Variants in IRAG2 observed in about 807,000 individuals in gnomAD.
The protein encoded by IRAG2 is lymphoid restricted membrane protein.
IRAG2 carries 45 observed loss-of-function variants against 69.9 expected under a neutral mutation model. The ratio of observed to expected loss-of-function variants is 0.64; its 90% confidence interval spans 0.51 to 0.83. The LOEUF is 0.83. Ranked by LOEUF, IRAG2 falls within the 40% of genes least tolerant of loss-of-function variation. The pLI, the probability that IRAG2 is intolerant of heterozygous loss-of-function variation, is 0.00. For synonymous variants in IRAG2, 193 were observed against 202.4 expected (o/e 0.95, Z 0.40); for missense variants, 520 against 587.0 (o/e 0.89, Z 1.18).
intron 7 of IRAG2, chr12:25,023,846 A>T: frequency 8.6e-7 from 1 of 1,162,686 alleles, no homozygotes; most frequent in Non-Finnish European, 1.1e-6. Flanking sequence ...AATATATTTT[A>T]ATTATTTTTC....
intron 2 of IRAG2, chr12:25,006,336 TA>T (rs1313044143): frequency 6.6e-6 from 1 of 152,148 alleles, no homozygotes; most frequent in Non-Finnish European, 1.5e-5. Flanking sequence ...TCAAAGAATT[TA>T]GAGCTACCAT....
chr12:25,088,697 C>T (rs1186899912), intron 11 of IRAG2, among the ~76,000 whole-genome samples: 2 of 152,154 alleles, frequency 1.3e-5, no homozygotes, highest in East Asian at 3.9e-4. Flanking sequence ...ATATTCTATG[C>T]TGAGAACTAG....
At chr12:25,079,176 T>TAA (rs1947027460) in intron 6 of IRAG2, 68 bp from the exon 7 acceptor site, 2 of 1,526,992 alleles carry the variant, frequency 1.3e-6, no homozygotes, top group African/African-American at 1.4e-5. Context: ...AATGTTTGCT[T>TAA]AAAACAACCT....
intron 10 of IRAG2, among the ~76,000 whole-genome samples, chr12:25,031,317 A>AGAAT: frequency 6.6e-6 from 1 of 152,182 alleles, no homozygotes; most frequent in Non-Finnish European, 1.5e-5. Flanking sequence ...ACTCCTGCTC[A>AGAAT]GGGTTCATCA....
At position 25,041,618 on chromosome 12, in the gene IRAG2, C is replaced by T. The variant is rs138592262; in HGVS notation, c.2144+3481C>T. Among the ~76,000 whole-genome samples, 4 of 151,454 alleles carry T rather than the reference C, an allele frequency of 2.6e-5. No homozygotes were observed. The East Asian group carries it at 7.8e-4, about 30-fold the overall frequency. On this transcript the variant is annotated intron_variant, in intron 16 of 38. Coordinates refer to the IRAG2 transcript ENST00000636465. Reference sequence around the variant, plus strand: ...CCGAGTTCAAGTGATTCTCTTGCCTCAGACTCCCAAGTAGCTGTATGCCGC... The same window carrying T: ...CCGAGTTCAAGTGATTCTCTTGCCTTAGACTCCCAAGTAGCTGTATGCCGC...
In IRAG2 at chr12:25,103,839, A is replaced by G. The variant is rs957301548; in HGVS notation, c.936A>G (p.Pro312=). 1 of 1,610,348 alleles carries G rather than the reference A, an allele frequency of 6.2e-7. No homozygotes were observed. The highest frequency in any genetic ancestry group is 8.5e-7 in the Non-Finnish European group (1 of 1,177,044). ...GTACATTTTCCTCCTTCTGGTAGCC[A>G]TCTTCTCTACGAAGAGTGACTATTG... The part of the protein sequence containing the change: ...KKRSASLNSK[P]SSLRRVTIAS... The change falls in exon 18 of 22, where the codon CCA becomes CCG. Residue 312 remains proline, a splice_region_variant and synonymous_variant. Coordinates refer to ENST00000556887, the MANE Select transcript of IRAG2 (RefSeq NM_001366544.2).
chr12:25,099,306 T>C (rs554491528), intron 15 of IRAG2, among the ~76,000 whole-genome samples: 1 of 152,272 alleles, frequency 6.6e-6, no homozygotes, highest in Admixed American at 6.5e-5. Flanking sequence ...AGCTCCTTAC[T>C]TCACTCAAGG....
chr12:25,032,092 T>A (rs977507552), intron 10 of IRAG2: 25 of 398,416 alleles, frequency 6.3e-5, no homozygotes, highest in African/African-American at 4.3e-4. Flanking sequence ...TATATATGAT[T>A]TGGTGGACCC....
chr12:25,078,215 C>G (rs774194548), intron 6 of IRAG2, among the ~76,000 whole-genome samples: 7 of 152,200 alleles, frequency 4.6e-5, no homozygotes, highest in African/African-American at 1.7e-4. Context: ...TTAAAGGGCT[C>G]TTGTAAATTT....
Position 25,103,803 on chromosome 12 carries a change from G to A in IRAG2, c.934-34G>A, listed in dbSNP as rs746442358. 1.0e-4 allele frequency: 149 copies of A among 1,487,016 alleles called. No individual in the cohort carries two copies. The South Asian group carries it at 1.4e-3, about 14-fold the overall frequency. The allele number at this position is 1,487,016 out of a possible 1,614,324, so 92.1% of individuals were successfully genotyped here. On this transcript the variant is annotated intron_variant, in intron 17 of 21. Transcript: ENST00000556887. ...TGCATATAATGATAAATTATTGAGA[G>A]TTTTCTAAATGTACATTTTCCTCCT...
chr12:25,057,241 C>T (rs860874), intron 1 of IRAG2, among the ~76,000 whole-genome samples: 140,768 of 146,318 alleles, frequency 0.96, 67,947 homozygotes, highest in East Asian at 1. Context: ...GGTAGGTAGA[C>T]AGGTAGACAG....
chr12:25,001,968 A>G (rs1312302913), upstream of IRAG2, among the ~76,000 whole-genome samples: 1 of 151,944 alleles, frequency 6.6e-6, no homozygotes, highest in East Asian at 1.9e-4. Context: ...ACGGGGTTTC[A>G]TCATGTTGGT....
chr12:25,033,162 G>A (rs1209423308), intron 12 of IRAG2, among the ~76,000 whole-genome samples: 2 of 151,978 alleles, frequency 1.3e-5, no homozygotes, highest in African/African-American at 4.8e-5. Context: ...TCACCATGTT[G>A]GCCAGGCTGG....
intron 4 of IRAG2, 145 bp from the exon 5 acceptor site, chr12:25,066,220 G>T: frequency 2.6e-6 from 1 of 380,618 alleles, no homozygotes; most frequent in East Asian, 3.8e-5. Flanking sequence ...CTGTGATTAG[G>T]CATCAAGGGA....
intron 10 of IRAG2, among the ~76,000 whole-genome samples, chr12:25,087,180 T>TTTTTTTTTTG (rs1450270058): frequency 8.0e-6 from 1 of 125,166 alleles, no homozygotes; most frequent in African/African-American, 3.1e-5. Flanking sequence ...TTTTTTTTTT[T>TTTTTTTTTTG]TTGTTGAGAC....
intron 10 of IRAG2, among the ~76,000 whole-genome samples, chr12:25,031,858 C>G (rs1458523869): frequency 2.0e-5 from 3 of 152,136 alleles, no homozygotes; most frequent in Non-Finnish European, 4.4e-5. Flanking sequence ...GACAGGGTTT[C>G]CCCATGTTGG....
chr12:25,096,993 G>C lies in IRAG2; in HGVS notation c.690G>C (p.Gln230His), dbSNP rs1449868368. Residue 230 changes from glutamine (Q) to histidine (H), a missense_variant, in exon 15 of 22, where the codon CAG becomes CAC. By Grantham distance (24) the Gln-to-His change is conservative. Coordinates refer to ENST00000556887, the MANE Select transcript of IRAG2 (RefSeq NM_001366544.2). The part of the protein sequence containing the change: ...KLEKSIKFLS[Q>H]CAARVASRAE... Reference sequence around the variant, plus strand: ...AGAAGAGTATAAAGTTTCTTAGCCAGTGTGCAGCACGAGTGGCCAGTAGGG... The same window carrying C: ...AGAAGAGTATAAAGTTTCTTAGCCACTGTGCAGCACGAGTGGCCAGTAGGG... The C allele has an allele frequency of 1.2e-6, 2 of 1,613,790 alleles. No homozygotes were observed. The highest frequency in any genetic ancestry group is 1.7e-6 in the Non-Finnish European group (2 of 1,179,800).
rs1949311262 is a variant in IRAG2, at chr12:25,107,834, C to T, written c.1274C>T (p.Ser425Phe). The change falls in exon 22 of 22, where the codon TCC becomes TTC. Residue 425 changes from serine to phenylalanine, a missense_variant. Coordinates refer to ENST00000556887, the MANE Select transcript of IRAG2 (RefSeq NM_001366544.2). The part of the protein sequence containing the change: ...DVSSVYDTIA[S>F]WATNLKSSIR... ...CCTTATAGTTATGACACAATAGCTTCCTGGGCAACAAATCTCAAGTCCTCC... is the reference window on the plus strand; with the variant it reads ...CCTTATAGTTATGACACAATAGCTTTCTGGGCAACAAATCTCAAGTCCTCC... 1.2e-6 allele frequency: 2 copies of T among 1,613,504 alleles called. No individual in the cohort carries two copies. Among genetic ancestry groups the T allele is most frequent in the Non-Finnish European group, 1.7e-6 (2 of 1,179,516 alleles).
At chr12:25,005,027 T>C (rs1944420246) in intron 1 of IRAG2, 1 of 694,248 alleles carries the variant, frequency 1.4e-6, no homozygotes, top group Non-Finnish European at 2.0e-6. Flanking sequence ...GATGGAATCA[T>C]CCATCTTTCC....
Sources: allele counts gnomAD v4.1 joint callset (sites outside exome capture counted in the v4.1 genomes callset), GRCh38; gene constraint gnomAD v4.1.1; transcripts MANE v1.5; gene names NCBI Gene and HGNC (gene_info 2026-07-23, HGNC 2026-07-21).